ATP9A: variants seen among roughly 807,000 people sequenced by gnomAD.
ATP9A encodes ATPase phospholipid transporting 9A, also known as probable phospholipid-transporting ATPase IIA.
In ATP9A, 52 loss-of-function variants were observed where a neutral mutation model predicts 144.1. The ratio of observed to expected loss-of-function variants is 0.36; its 90% CI spans 0.29 to 0.45. The LOEUF (loss-of-function observed/expected upper bound fraction) is 0.45. Among genes scored for constraint, ATP9A ranks in the 20% least tolerant of loss-of-function variants. ATP9A has a pLI of 1.00. For synonymous variants in ATP9A, 582 were observed against 557.4 expected (o/e 1.04, Z -0.62); for missense variants, 947 against 1,392.7 (o/e 0.68, Z 5.09).
At chr20:51,609,170 A>G (rs2077175544) in intron 24 of ATP9A, among the ~76,000 whole-genome samples, 1 of 152,138 alleles carries the variant, frequency 6.6e-6, no homozygotes, top group Non-Finnish European at 1.5e-5. Flanking sequence ...AGAGGAAATG[A>G]GGACCCACGG....
At chr20:51,650,311 G>A (rs1403047691) in intron 14 of ATP9A, among the ~76,000 whole-genome samples, 1 of 152,136 alleles carries the variant, frequency 6.6e-6, no homozygotes, top group Non-Finnish European at 1.5e-5. Flanking sequence ...CAAGGTGGGT[G>A]AGTCACAAGG....
chr20:51,718,898 G>A (rs1221325890), intron 3 of ATP9A, among the ~76,000 whole-genome samples: 1 of 148,952 alleles, frequency 6.7e-6, no homozygotes, highest in Admixed American at 6.8e-5. Flanking sequence ...GGGAGGCCAA[G>A]GCAGGTGGAT....
chr20:51,675,146 C>A (rs927924491), intron 10 of ATP9A, among the ~76,000 whole-genome samples: 4 of 152,154 alleles, frequency 2.6e-5, no homozygotes, highest in Non-Finnish European at 5.9e-5. Flanking sequence ...ATACATTTAT[C>A]TTCATGTCTA....
rs751880659 is a variant in ATP9A at position 51,725,943 on chromosome 20, G to A, written c.214-11C>T. ...CTGGTTGAACAGCACCTGGAATGGA[G>A]GGAGACAACAGAGAAAGACATTCAG... is the stretch of plus-strand genomic sequence containing the variant. On this transcript the variant is annotated splice_polypyrimidine_tract_variant and intron_variant, in intron 2 of 27. Transcript: ENST00000338821. 1.0e-5 allele frequency: 15 copies of A among 1,483,604 alleles called. No homozygotes were observed. The highest frequency in any genetic ancestry group is 1.2e-5 in the Non-Finnish European group (13 of 1,061,358). The allele number at this position is 1,483,604 out of a possible 1,614,324, so 91.9% of individuals were successfully genotyped here. A position where few individuals can be genotyped will look rare whatever the true frequency, so the allele number is the denominator to read the frequency against.
chr20:51,758,142 A>T (rs1016239482), intron 1 of ATP9A, among the ~76,000 whole-genome samples: 1 of 152,180 alleles, frequency 6.6e-6, no homozygotes, highest in African/African-American at 2.4e-5. Context: ...TGACACAAGA[A>T]AGCAAGTATC....
chr20:51,661,379 T>C (rs1227672124), intron 13 of ATP9A, among the ~76,000 whole-genome samples: 1 of 152,070 alleles, frequency 6.6e-6, no homozygotes, highest in Non-Finnish European at 1.5e-5. Flanking sequence ...TTTTTTTTTT[T>C]TTGAGACAGG....
At position 51,718,207 on chromosome 20, in the gene ATP9A, T is replaced by C. The variant is rs182774516; in HGVS notation, c.328-5133A>G. Among the ~76,000 whole-genome samples, 92 of 152,202 alleles carry C rather than the reference T, an allele frequency of 6.0e-4. 2 individuals are homozygous for C. The East Asian group carries it at 0.015, about 25-fold the overall frequency. On this transcript the variant is annotated intron_variant, in intron 3 of 27. Transcript: ENST00000338821. The stretch of plus-strand genomic sequence containing the variant: ...AGGACACCTTGGGATCCCAAATCTA[T>C]AAAACATGCATCTGCAGAATATATA...
chr20:51,632,781 G>C (rs2077274808), intron 15 of ATP9A, among the ~76,000 whole-genome samples: 1 of 152,140 alleles, frequency 6.6e-6, no homozygotes, highest in South Asian at 2.1e-4. Context: ...TTTCATTAAA[G>C]ACAACCTCAC....
chr20:51,617,154 C>T (rs191744109), intron 22 of ATP9A, among the ~76,000 whole-genome samples: 1 of 138,300 alleles, frequency 7.2e-6, no homozygotes, highest in Non-Finnish European at 1.6e-5. Flanking sequence ...GTTGGCCAGG[C>T]TGGCCTCAAA....
intron 26 of ATP9A, among the ~76,000 whole-genome samples, chr20:51,607,162 C>T (rs1255794626): frequency 6.6e-6 from 1 of 152,218 alleles, no homozygotes; most frequent in East Asian, 1.9e-4. Context: ...AGACCCCCCT[C>T]TGGAGGCCAC....
intron 1 of ATP9A, among the ~76,000 whole-genome samples, chr20:51,737,107 G>T (rs1416173060): frequency 6.6e-6 from 1 of 152,150 alleles, no homozygotes; most frequent in African/African-American, 2.4e-5. Flanking sequence ...CCTACTAACG[G>T]GTAGAAGCAG....
rs2122868268 is a variant in ATP9A, at chr20:51,725,878, A to C, written c.268T>G (p.Cys90Gly). The C allele has an allele frequency of 6.2e-7, 1 of 1,614,056 alleles. No individual in the cohort carries two copies. Among genetic ancestry groups the C allele is most frequent in the Non-Finnish European group, 8.5e-7 (1 of 1,179,868 alleles). Residue 90 changes from cysteine to glycine, a missense_variant, in exon 3 of 28, where the codon TGC (cysteine) becomes GGC (glycine). Physicochemically the swap from Cys to Gly is radical, Grantham distance 159 (BLOSUM62 -3). Coordinates refer to ENST00000338821, the MANE Select transcript of ATP9A (RefSeq NM_006045.3). ...CTCATTTCGGGAACAAACTGAGAGC[A>C]GGCAAGAAGTAAGAAATAGAGGTTG... ...FFNLYFLLLA[C>G]SQFVPEMRLG... is the part of the protein sequence containing the mutation.
Position 51,656,992 on chromosome 20 carries a change from G to A in ATP9A, c.1452C>T (p.Ala484=), listed in dbSNP as rs57906305. 3.3e-3 allele frequency: 5,350 copies of A among 1,614,124 alleles called. 154 individuals carry two copies. In the African/African-American group the frequency reaches 0.064, roughly 19 times the overall value. Residue 484 remains alanine, a synonymous_variant, in exon 14 of 28, where the codon GCC becomes GCT. Transcript: ENST00000338821. ...ESNGVTDQAE[A]EKQYEDSCRV... Reference sequence around the variant, plus strand: ...GGCAGGAGTCTTCGTACTGCTTCTCGGCCTCAGCCTGATCAGTCACACCGT... The same window carrying A: ...GGCAGGAGTCTTCGTACTGCTTCTCAGCCTCAGCCTGATCAGTCACACCGT...
At position 51,613,827 on chromosome 20, in the gene ATP9A, T is replaced by C. The variant is rs777646231; in HGVS notation, c.2421A>G (p.Gly807=). The part of the protein sequence containing the change: ...DCGVGVEGKE[G]KQASLAADFS... ...AGTCTGCAGCCAACGAAGCCTGTTT[T>C]CCTTCCTAAAATCCAATAAAATTAG... Residue 807 remains glycine, a synonymous_variant, in exon 23 of 28, where the codon GGA becomes GGG. Transcript: ENST00000338821. 3.1e-6 allele frequency: 5 copies of C among 1,611,216 alleles called. No homozygotes were observed. The highest frequency in any genetic ancestry group is 1.7e-5 in the Admixed American group (1 of 59,836).
At chr20:51,604,349 T>C (rs1431451940) in intron 27 of ATP9A, among the ~76,000 whole-genome samples, 1 of 152,130 alleles carries the variant, frequency 6.6e-6, no homozygotes, top group Non-Finnish European at 1.5e-5. Context: ...GCAGATTGTA[T>C]TCTGAGATCC....
At chr20:51,666,350 C>CA (rs895678093) in intron 13 of ATP9A, among the ~76,000 whole-genome samples, 1 of 152,086 alleles carries the variant, frequency 6.6e-6, no homozygotes, top group African/African-American at 2.4e-5. Context: ...GACTCTGGCC[C>CA]AAGTGATCTA....
chr20:51,661,571 T>TTATTG (rs1382505786), intron 13 of ATP9A, among the ~76,000 whole-genome samples: 1 of 145,378 alleles, frequency 6.9e-6, no homozygotes, highest in African/African-American at 2.6e-5. Flanking sequence ...GGTCTCCCTC[T>TTATTG]TATTGCCCAG....
chr20:51,673,405 T>C (rs2426376), intron 11 of ATP9A, among the ~76,000 whole-genome samples: 3,269 of 152,202 alleles, frequency 0.021, 59 homozygotes, highest in Non-Finnish European at 0.034. Context: ...TAACCATTTA[T>C]TCAACCTCCA....
chr20:51,755,438 TAAAAA>T (rs879859381), intron 1 of ATP9A, among the ~76,000 whole-genome samples: 2 of 143,710 alleles, frequency 1.4e-5, no homozygotes, highest in Admixed American at 6.9e-5. Context: ...CCATCTCAAT[TAAAAA>T]AAAAAAAATT....
Sources: gnomAD v4.1 joint callset for allele counts (sites outside exome capture counted in the v4.1 genomes callset) on GRCh38, gnomAD v4.1.1 for gene constraint, MANE v1.5 for transcripts, NCBI Gene and HGNC (gene_info 2026-07-23, HGNC 2026-07-21) for gene names.